The following PPM1E variants were observed in gnomAD, a reference collection of about 807,000 sequenced individuals.
The protein encoded by PPM1E is protein phosphatase, Mg2+/Mn2+ dependent 1E.
A neutral mutation model predicts 65.9 loss-of-function variants in PPM1E; 20 were observed. That is an observed-to-expected ratio of 0.30 (90% CI 0.21 to 0.44). The LOEUF is 0.44. Among genes scored for constraint, PPM1E ranks in the 20% least tolerant of loss-of-function variants. The pLI is 1.00. For synonymous variants in PPM1E, 352 were observed against 374.9 expected (o/e 0.94, Z 0.70); for missense variants, 713 against 953.1 (o/e 0.75, Z 3.32).
In PPM1E at chr17:58,951,783, C is replaced by T. The variant is rs114290223; in HGVS notation, c.465-3866C>T. ...CACTGCACTCCAGCCTATGCAGTAT[C>T]GTGAGACCTTCATCTCAAATTTTTA... On this transcript the variant is annotated intron_variant, in intron 1 of 6. Transcript: ENST00000308249. Among the ~76,000 whole-genome samples the T allele has an allele frequency of 8.6e-3, 1,306 of 152,112 alleles. 19 individuals are homozygous for T. Among genetic ancestry groups the T allele is most frequent in the African/African-American group, 0.029 (1,218 of 41,492 alleles).
At position 58,942,441 on chromosome 17, in the gene PPM1E, T is replaced by G. The variant is rs532491119; in HGVS notation, c.465-13208T>G. ...AAAATAATTTTCTAATTTTTTTTCC[T>G]TGAAGACATAGAATGTAAGCATTGC... On this transcript the variant is annotated intron_variant, in intron 1 of 6. Coordinates refer to ENST00000308249, the MANE Select transcript of PPM1E (RefSeq NM_014906.5). Among the ~76,000 whole-genome samples the G allele has an allele frequency of 6.0e-4, 91 of 152,338 alleles. 1 individual carries two copies. Among genetic ancestry groups the G allele is most frequent in the African/African-American group, 2.1e-3 (87 of 41,578 alleles).
intron 1 of PPM1E, among the ~76,000 whole-genome samples, chr17:58,802,438 T>C (rs964325750): frequency 6.6e-6 from 1 of 152,218 alleles, no homozygotes; most frequent in African/African-American, 2.4e-5. Flanking sequence ...ACTGTAGTTC[T>C]ATCATATAAT....
At chr17:58,938,438 T>A (rs1232104665) in intron 1 of PPM1E, among the ~76,000 whole-genome samples, 4 of 152,208 alleles carry the variant, frequency 2.6e-5, no homozygotes, top group Non-Finnish European at 4.4e-5. Flanking sequence ...TGTGTGTAAC[T>A]ATGTATTTTC....
At chr17:58,895,250 T>G (rs1339512159) in intron 1 of PPM1E, among the ~76,000 whole-genome samples, 8 of 152,128 alleles carry the variant, frequency 5.3e-5, no homozygotes, top group African/African-American at 1.9e-4. Context: ...CCCCTTTCCT[T>G]GGGTTTCTCT....
intron 1 of PPM1E, among the ~76,000 whole-genome samples, chr17:58,860,309 CAGCCAAT>C (rs2050926052): frequency 6.6e-6 from 1 of 152,198 alleles, no homozygotes; most frequent in Non-Finnish European, 1.5e-5. Flanking sequence ...TGGTGTCACA[CAGCCAAT>C]ATAGTCCATT....
Position 58,965,874 on chromosome 17 carries a change from A to G in PPM1E, c.764A>G (p.Asn255Ser), listed in dbSNP as rs2030206085. Residue 255 changes from asparagine to serine, a missense_variant, in exon 3 of 7, where the codon AAT (asparagine) becomes AGT (serine). Physicochemically the swap from Asn to Ser is conservative, Grantham distance 46 (BLOSUM62 1). Around this residue, in one of 6 missense-constraint regions of PPM1E, gnomAD observed 25 missense variants for 73.9 expected, o/e 0.34. Coordinates refer to ENST00000308249, the MANE Select transcript of PPM1E (RefSeq NM_014906.5). ...EDKHVCIPDF[N>S]MLFNLEDQEE... ...AAACATGTCTGCATTCCTGACTTTA[A>G]TATGCTCTTCAACCTAGAGGTAAAG... 6.2e-7 allele frequency: 1 copy of G among 1,614,074 alleles called. No individual in the cohort carries two copies. Among genetic ancestry groups the G allele is most frequent in the African/African-American group, 1.3e-5 (1 of 74,938 alleles).
chr17:58,909,595 G>A (rs866559485), intron 1 of PPM1E, among the ~76,000 whole-genome samples: 1 of 152,006 alleles, frequency 6.6e-6, no homozygotes, highest in Non-Finnish European at 1.5e-5. Context: ...CTAGGTGGGT[G>A]GTTTTTTTCT....
At chr17:58,771,377 G>A (rs2049936615) in intron 1 of PPM1E, among the ~76,000 whole-genome samples, 1 of 151,582 alleles carries the variant, frequency 6.6e-6, no homozygotes, top group Non-Finnish European at 1.5e-5. Context: ...GTGGCTCCCA[G>A]CACTTTGGGA....
At chr17:58,839,321 C>G (rs1160374212) in intron 1 of PPM1E, among the ~76,000 whole-genome samples, 2 of 150,682 alleles carry the variant, frequency 1.3e-5, no homozygotes, top group Non-Finnish European at 2.9e-5. Context: ...GACCTTGTCT[C>G]TAAAAAAAAA....
intron 1 of PPM1E, among the ~76,000 whole-genome samples, chr17:58,791,394 C>G (rs1345243506): frequency 6.6e-6 from 1 of 152,096 alleles, no homozygotes; most frequent in Admixed American, 6.6e-5. Context: ...AATGTTTTGT[C>G]TTTCTGCTCA....
chr17:58,905,263 G>A (rs190239838), intron 1 of PPM1E, among the ~76,000 whole-genome samples: 110 of 152,206 alleles, frequency 7.2e-4, no homozygotes, highest in Middle Eastern at 6.8e-3. Flanking sequence ...GTAGTGAGAG[G>A]GAACATCCTT....
intron 1 of PPM1E, among the ~76,000 whole-genome samples, chr17:58,801,759 A>T (rs2050260803): frequency 7.2e-6 from 1 of 138,944 alleles, no homozygotes; most frequent in African/African-American, 2.7e-5. Flanking sequence ...GTTTTTTTTT[A>T]ATTTTTATTT....
intron 1 of PPM1E, among the ~76,000 whole-genome samples, chr17:58,808,833 G>C (rs775052049): frequency 3.3e-5 from 5 of 151,830 alleles, no homozygotes; most frequent in Non-Finnish European, 4.4e-5. Context: ...TCCCTAGCCC[G>C]AGGAAACCAC....
chr17:58,937,587 A>T (rs1217331031), intron 1 of PPM1E, among the ~76,000 whole-genome samples: 2 of 147,670 alleles, frequency 1.4e-5, no homozygotes, highest in Admixed American at 6.8e-5. Flanking sequence ...TTAAAGAGAC[A>T]TGCCTACGGC....
chr17:58,855,075 G>A (rs927467313), intron 1 of PPM1E, among the ~76,000 whole-genome samples: 13 of 152,080 alleles, frequency 8.5e-5, no homozygotes, highest in African/African-American at 2.2e-4. Flanking sequence ...TGGGTGCCCC[G>A]ACACTTTTGT....
At chr17:58,780,442 G>A (rs2144206328) in intron 1 of PPM1E, among the ~76,000 whole-genome samples, 1 of 152,296 alleles carries the variant, frequency 6.6e-6, no homozygotes, top group East Asian at 1.9e-4. Flanking sequence ...TCGAGCAGTA[G>A]ATACTTTCAA....
intron 1 of PPM1E, among the ~76,000 whole-genome samples, chr17:58,919,605 G>C (rs1399420565): frequency 6.6e-6 from 1 of 152,024 alleles, no homozygotes; most frequent in Non-Finnish European, 1.5e-5. Flanking sequence ...GACCAACATG[G>C]AGAAACCCTG....
At chr17:58,945,315 G>A (rs918910590) in intron 1 of PPM1E, among the ~76,000 whole-genome samples, 1 of 152,070 alleles carries the variant, frequency 6.6e-6, no homozygotes, top group Non-Finnish European at 1.5e-5. Flanking sequence ...GCTAACTTAT[G>A]TATTTTTAGT....
At chr17:58,779,723 C>T (rs961882055) in intron 1 of PPM1E, among the ~76,000 whole-genome samples, 3 of 152,106 alleles carry the variant, frequency 2.0e-5, no homozygotes, top group African/African-American at 4.8e-5. Flanking sequence ...ATAAATTATT[C>T]CCAAAGTGCT....
Sources: allele counts gnomAD v4.1 joint callset (sites outside exome capture counted in the v4.1 genomes callset), GRCh38; gene constraint gnomAD v4.1.1; regional missense constraint gnomAD v4.1.1; transcripts MANE v1.5; gene names NCBI Gene and HGNC (gene_info 2026-07-23, HGNC 2026-07-21).